ERC2: variants seen among roughly 807,000 people sequenced by gnomAD.
The protein encoded by ERC2 is ERC protein 2.
Under a neutral mutation model 114.8 loss-of-function variants are expected in ERC2, and 42 were observed. The observed-to-expected ratio is 0.37, with a 90% confidence interval of 0.29 to 0.47. The LOEUF (loss-of-function observed/expected upper bound fraction) is 0.47. Ranked by LOEUF, ERC2 falls within the 20% of genes least tolerant of loss-of-function variation. ERC2 has a pLI of 0.99. For synonymous variants in ERC2, 454 were observed against 425.5 expected (o/e 1.07, Z -0.82); for missense variants, 939 against 1,150.7 (o/e 0.82, Z 2.66).
chr3:55,574,143 C>T (rs772620028), intron 17 of ERC2, among the ~76,000 whole-genome samples: 6 of 152,120 alleles, frequency 3.9e-5, no homozygotes, highest in Non-Finnish European at 1.5e-5. Context: ...TGGATTAGGT[C>T]TGGTTATTCT....
chr3:55,947,625 G>T (rs2067214113), intron 13 of ERC2, among the ~76,000 whole-genome samples: 1 of 152,178 alleles, frequency 6.6e-6, no homozygotes, highest in Admixed American at 6.5e-5. Flanking sequence ...GCCTCAGAAT[G>T]AACACGTGTA....
intron 2 of ERC2, among the ~76,000 whole-genome samples, chr3:56,418,087 G>A (rs1371796403): frequency 6.6e-6 from 1 of 151,972 alleles, no homozygotes; most frequent in African/African-American, 2.4e-5. Flanking sequence ...AGGAGTTCAA[G>A]ACCAGCCTGG....
intron 17 of ERC2, among the ~76,000 whole-genome samples, chr3:55,683,143 C>T (rs1419263041): frequency 2.0e-5 from 3 of 152,130 alleles, no homozygotes; most frequent in Non-Finnish European, 2.9e-5. Context: ...TTTTAAAAAG[C>T]AACAGATAAA....
chr3:56,101,216 C>T (rs2078335647), intron 6 of ERC2, among the ~76,000 whole-genome samples: 1 of 152,186 alleles, frequency 6.6e-6, no homozygotes, highest in African/African-American at 2.4e-5. Context: ...GGTGCGCCTC[C>T]AGCCTGCACC....
At chr3:56,181,222 C>T (rs1299174795) in intron 3 of ERC2, among the ~76,000 whole-genome samples, 9 of 152,212 alleles carry the variant, frequency 5.9e-5, no homozygotes, top group South Asian at 4.1e-4. Context: ...ATCTTAAATG[C>T]GCAATAATTC....
At chr3:56,232,924 C>T (rs923312143) in intron 3 of ERC2, among the ~76,000 whole-genome samples, 4 of 152,210 alleles carry the variant, frequency 2.6e-5, no homozygotes, top group African/African-American at 9.6e-5. Context: ...CTCATTCAGC[C>T]TTCAGAGCTC....
chr3:55,742,976 G>A (rs1295090278), intron 14 of ERC2, among the ~76,000 whole-genome samples: 1 of 152,230 alleles, frequency 6.6e-6, no homozygotes, highest in African/African-American at 2.4e-5. Context: ...ATTTGAACAA[G>A]CATGAGTTTC....
At chr3:55,530,926 T>C (rs2053625838) in intron 17 of ERC2, among the ~76,000 whole-genome samples, 1 of 152,182 alleles carries the variant, frequency 6.6e-6, no homozygotes, top group Admixed American at 6.5e-5. Flanking sequence ...AACAGGACTA[T>C]GAAGGAATAA....
At chr3:56,428,181 A>G (rs2061645357) in intron 2 of ERC2, among the ~76,000 whole-genome samples, 1 of 152,126 alleles carries the variant, frequency 6.6e-6, no homozygotes, top group Non-Finnish European at 1.5e-5. Context: ...GGACACTCAC[A>G]ATGAAGTTAG....
intron 14 of ERC2, among the ~76,000 whole-genome samples, chr3:55,853,682 T>C (rs1366045071): frequency 6.6e-6 from 1 of 152,220 alleles, no homozygotes; most frequent in African/African-American, 2.4e-5. Context: ...AAATATTGTA[T>C]GATTCCACTT....
chr3:56,014,292 TC>T (rs947367114), intron 8 of ERC2, among the ~76,000 whole-genome samples: 2 of 152,126 alleles, frequency 1.3e-5, no homozygotes, highest in Admixed American at 1.3e-4. Flanking sequence ...CAAAGCCACA[TC>T]CCTCATTTTT....
At chr3:55,865,680 A>C (rs1224445317) in intron 14 of ERC2, among the ~76,000 whole-genome samples, 2 of 152,222 alleles carry the variant, frequency 1.3e-5, no homozygotes, top group East Asian at 3.9e-4. Flanking sequence ...AGATTTGCCT[A>C]TTTGTCATAT....
chr3:56,255,365 A>G (rs765185781), intron 3 of ERC2, among the ~76,000 whole-genome samples: 13 of 152,134 alleles, frequency 8.5e-5, no homozygotes, highest in Non-Finnish European at 1.9e-4. Context: ...GGGCTTCCCT[A>G]GTTTTCCAAC....
At chr3:55,809,427 A>G (rs1465417104) in intron 14 of ERC2, among the ~76,000 whole-genome samples, 1 of 152,180 alleles carries the variant, frequency 6.6e-6, no homozygotes, top group African/African-American at 2.4e-5. Context: ...CAAAGGAAAC[A>G]ATCAACAGAG....
chr3:56,466,085 T>C (rs1470171714), intron 1 of ERC2, among the ~76,000 whole-genome samples: 5 of 152,266 alleles, frequency 3.3e-5, no homozygotes, highest in African/African-American at 2.4e-5. Context: ...GAATAGTACC[T>C]ACCTCACAGG....
intron 17 of ERC2, among the ~76,000 whole-genome samples, chr3:55,536,948 G>T (rs2054037322): frequency 6.6e-6 from 1 of 152,200 alleles, no homozygotes; most frequent in African/African-American, 2.4e-5. Flanking sequence ...ATTGACCTGA[G>T]ACATCAGTCA....
intron 17 of ERC2, among the ~76,000 whole-genome samples, chr3:55,603,308 C>T (rs192241138): frequency 3.0e-4 from 46 of 152,220 alleles, no homozygotes; most frequent in African/African-American, 1.1e-3. Context: ...AAACCATTGC[C>T]CTTGTTCTTG....
intron 1 of ERC2, among the ~76,000 whole-genome samples, chr3:56,440,562 A>G (rs1275593736): frequency 3.3e-5 from 5 of 151,884 alleles, no homozygotes; most frequent in African/African-American, 1.2e-4. Flanking sequence ...AAAAAAAAAA[A>G]AAAGAATGGG....
chr3:56,175,112 TATATTTGCCAGTGGCCC>T (rs2082904505), intron 3 of ERC2, among the ~76,000 whole-genome samples: 1 of 152,210 alleles, frequency 6.6e-6, no homozygotes, highest in Admixed American at 6.5e-5. Context: ...CTGTTCTTAT[TATATTTGCCAGTGGCCC>T]AAGAAATCTT....
Sources: allele counts gnomAD v4.1 joint callset (sites outside exome capture counted in the v4.1 genomes callset), GRCh38; gene constraint gnomAD v4.1.1; transcripts MANE v1.5; gene names NCBI Gene and HGNC (gene_info 2026-07-23, HGNC 2026-07-21).